Variants in PDE1C observed in about 807,000 individuals in gnomAD.
PDE1C encodes the protein phosphodiesterase 1C.
In PDE1C, 62 loss-of-function variants were observed where a neutral mutation model predicts 93.1. That is an observed-to-expected ratio of 0.67 (90% CI 0.54 to 0.82). The LOEUF is 0.82. PDE1C is among the 40% of genes least tolerant of loss of function. The probability of loss-of-function intolerance (pLI) is 0.00; values close to 1 mark genes in which losing one functional copy is unlikely to be tolerated. For synonymous variants in PDE1C, 325 were observed against 310.1 expected, an observed-to-expected ratio of 1.05 and a Z score of -0.50; for missense variants, 742 against 884.6, an observed-to-expected ratio of 0.84 and a Z score of 2.04.
rs1410096051 is a variant in PDE1C at position 31,964,277 on chromosome 7, T to C, written c.129-83417A>G. On this transcript the variant is annotated intron_variant, in intron 2 of 17. Transcript: ENST00000396191. ...CCACCCTAATACTGCGCTTTTCCAA[T>C]GGGCTTAACAAACGGCACACCAGGA... 4.6e-5 allele frequency among the ~76,000 whole-genome samples: 7 copies of C among 152,278 alleles called. No individual in the cohort carries two copies. In the South Asian group the frequency reaches 1.2e-3, roughly 27 times the overall value.
intron 2 of PDE1C, among the ~76,000 whole-genome samples, chr7:32,003,188 T>C (rs1222475473): frequency 6.6e-6 from 1 of 152,212 alleles, no homozygotes; most frequent in African/African-American, 2.4e-5. Context: ...TAAGGAAATG[T>C]AGACTCCCTT....
chr7:31,723,211 T>G, the PDE1C span, among the ~76,000 whole-genome samples: 3 of 152,254 alleles, frequency 2.0e-5, no homozygotes, highest in East Asian at 5.8e-4. Flanking sequence ...AATTGTATTC[T>G]GCCAGGTCCA....
At chr7:31,692,476 TCTCAGAAGACAGACTGGACAAGCTAGACC>T in the PDE1C span, 3 of 1,612,142 alleles carry the variant, frequency 1.9e-6, no homozygotes, top group Non-Finnish European at 8.5e-7. Flanking sequence ...CCACTGGAAC[TCTCAGAAGACAGACTGGACAAGCTAGACC>T]CTCGTTGCAG....
chr7:32,145,465 G>A (rs1011601542), intron 3 of PDE1C, among the ~76,000 whole-genome samples: 2 of 152,152 alleles, frequency 1.3e-5, no homozygotes, highest in Non-Finnish European at 2.9e-5. Flanking sequence ...GGACAGAGAT[G>A]AGGATTCCCG....
chr7:32,323,257 G>T (rs1188997564), intron 1 of PDE1C, among the ~76,000 whole-genome samples: 1 of 152,168 alleles, frequency 6.6e-6, no homozygotes, highest in African/African-American at 2.4e-5. Flanking sequence ...CCAAGTATTT[G>T]CAGATTTACT....
At chr7:32,085,463 A>C (rs1030066402) in intron 3 of PDE1C, among the ~76,000 whole-genome samples, 6 of 149,506 alleles carry the variant, frequency 4.0e-5, no homozygotes, top group African/African-American at 1.2e-4. Flanking sequence ...AAACTATTCC[A>C]ATCAATAGAA....
chr7:31,990,459 T>G (rs1404903739), intron 2 of PDE1C, among the ~76,000 whole-genome samples: 2 of 152,164 alleles, frequency 1.3e-5, no homozygotes, highest in Non-Finnish European at 2.9e-5. Context: ...TACCCAGTTT[T>G]GGGTATGTCT....
chr7:32,325,355 G>A (rs545538245), intron 1 of PDE1C, among the ~76,000 whole-genome samples: 2 of 152,140 alleles, frequency 1.3e-5, no homozygotes, highest in Admixed American at 6.5e-5. Flanking sequence ...TCTCAACAAG[G>A]CCACTGCCTG....
chr7:31,918,149 A>AT (rs1802166268), intron 2 of PDE1C, among the ~76,000 whole-genome samples: 1 of 151,994 alleles, frequency 6.6e-6, no homozygotes, highest in Admixed American at 6.6e-5. Flanking sequence ...TAACATGTTC[A>AT]TTTTCTATTT....
intron 1 of PDE1C, among the ~76,000 whole-genome samples, chr7:32,239,242 T>A (rs1305290080): frequency 6.6e-6 from 1 of 151,768 alleles, no homozygotes; most frequent in African/African-American, 2.4e-5. Context: ...AGAAAAAAAA[T>A]ATATATAGCC....
At chr7:32,305,760 G>T (rs1248328782) in intron 1 of PDE1C, among the ~76,000 whole-genome samples, 3 of 152,246 alleles carry the variant, frequency 2.0e-5, no homozygotes, top group Admixed American at 1.3e-4. Context: ...CCTGGGCAGA[G>T]CCCATATGGC....
Position 31,864,987 on chromosome 7 carries a change from A to G in PDE1C, c.705T>C (p.Asp235=), listed in dbSNP as rs781574316. 1.9e-6 allele frequency: 3 copies of G among 1,614,068 alleles called. No individual in the cohort carries two copies. The highest frequency in any genetic ancestry group is 2.2e-5 in the East Asian group (1 of 44,856). ...GGAGGTAATGCACTGTCTGTGTAAC[A>G]TCGGCAGCGTGCATTAAGTTATGGT... ...NPYHNLMHAA[D]VTQTVHYLLY... is the part of the protein sequence containing the mutation. The change falls in exon 7 of 18, where the codon GAT becomes GAC. Residue 235 remains aspartate, a synonymous_variant. Coordinates refer to ENST00000396191, the MANE Select transcript of PDE1C (RefSeq NM_001191057.4).
rs758434541 is a variant in PDE1C, at chr7:31,828,357, T to C, written c.1220A>G (p.Glu407Gly). The C allele has an allele frequency of 5.0e-6, 8 of 1,612,352 alleles. No individual in the cohort carries two copies. The South Asian group carries it at 7.7e-5, about 16-fold the overall frequency. ...CAGAGGAGAAAAAGGCAGCCCCAGC[T>C]CTGCTTCTCTGTCACCCTGGAAAAA... ...EFFRQGDREA[E>G]LGLPFSPLCD... Residue 407 changes from glutamate (E) to glycine (G), a missense_variant, in exon 12 of 18, where the codon GAG becomes GGG. Physicochemically the swap from Glu to Gly is moderately conservative, Grantham distance 98 (BLOSUM62 -2). Coordinates refer to ENST00000396191, the MANE Select transcript of PDE1C (RefSeq NM_001191057.4).
chr7:31,864,317 T>C (rs551950682), intron 7 of PDE1C, among the ~76,000 whole-genome samples: 2 of 152,172 alleles, frequency 1.3e-5, no homozygotes, highest in Middle Eastern at 3.4e-3. Flanking sequence ...GATCTCACCA[T>C]TGCACTCCAG....
intron 1 of PDE1C, among the ~76,000 whole-genome samples, chr7:32,408,076 G>A (rs1478086485): frequency 6.6e-6 from 1 of 152,186 alleles, no homozygotes; most frequent in Non-Finnish European, 1.5e-5. Flanking sequence ...TCTTTAGTAA[G>A]TAAGAAGAAT....
intron 3 of PDE1C, among the ~76,000 whole-genome samples, chr7:32,139,082 G>T (rs1800365684): frequency 6.6e-6 from 1 of 152,094 alleles, no homozygotes; most frequent in African/African-American, 2.4e-5. Flanking sequence ...GAGTTGATAT[G>T]CCAGAAACTA....
chr7:31,813,757 C>A (rs1249735736), intron 15 of PDE1C, among the ~76,000 whole-genome samples: 1 of 151,994 alleles, frequency 6.6e-6, no homozygotes, highest in Non-Finnish European at 1.5e-5. Flanking sequence ...ATAGCCATCA[C>A]CTGAGCGGTA....
intron 11 of PDE1C, among the ~76,000 whole-genome samples, chr7:31,835,196 A>G (rs967020274): frequency 1.3e-5 from 2 of 152,242 alleles, no homozygotes; most frequent in African/African-American, 4.8e-5. Flanking sequence ...AGTCTTGAGT[A>G]TGTCTTTATT....
At chr7:32,139,391 T>G (rs1342608889) in intron 3 of PDE1C, among the ~76,000 whole-genome samples, 1 of 150,308 alleles carries the variant, frequency 6.7e-6, no homozygotes, top group African/African-American at 2.5e-5. Flanking sequence ...CATGATTTAG[T>G]GAGAGTCCTT....
Sources: gnomAD v4.1 joint callset for allele counts (sites outside exome capture counted in the v4.1 genomes callset) on GRCh38, gnomAD v4.1.1 for gene constraint, MANE v1.5 for transcripts, NCBI Gene and HGNC (gene_info 2026-07-23, HGNC 2026-07-21) for gene names.